The following NYAP2 variants were observed in gnomAD, a reference collection of about 807,000 sequenced individuals.
NYAP2 encodes neuronal tyrosine-phosphorylated phosphoinositide-3-kinase adapter 2.
NYAP2 carries 23 observed loss-of-function variants against 50.4 expected under a neutral mutation model. That is an observed-to-expected ratio of 0.46 (90% confidence interval 0.33 to 0.65). The LOEUF (loss-of-function observed/expected upper bound fraction) is 0.65, where lower values mean the gene tolerates loss of function less well. Among genes scored for constraint, NYAP2 ranks in the 30% least tolerant of loss-of-function variants. NYAP2 has a pLI of 0.02. For synonymous variants in NYAP2, 394 were observed against 365.2 expected, an observed-to-expected ratio of 1.08 and a Z score of -0.90; for missense variants, 885 against 861.0, an observed-to-expected ratio of 1.03 and a Z score of -0.35.
At chr2:225,633,386 A>C (rs1289360585) in intron 6 of NYAP2, among the ~76,000 whole-genome samples, 1 of 152,204 alleles carries the variant, frequency 6.6e-6, no homozygotes, top group Non-Finnish European at 1.5e-5. Context: ...CTGTTCTGAA[A>C]AGGTCTAAGA....
At chr2:225,586,545 C>T (rs1446098774) in intron 5 of NYAP2, among the ~76,000 whole-genome samples, 1 of 152,106 alleles carries the variant, frequency 6.6e-6, no homozygotes, top group Non-Finnish European at 1.5e-5. Context: ...TATGCTATTG[C>T]TAAAAATTTT....
chr2:225,674,035 GT>G, the NYAP2 span, among the ~76,000 whole-genome samples: 1 of 152,130 alleles, frequency 6.6e-6, no homozygotes, highest in Non-Finnish European at 1.5e-5. Context: ...AGGAAGTCAG[GT>G]GAAGCCACAA....
At chr2:225,588,208 G>T (rs750734105) in intron 5 of NYAP2, among the ~76,000 whole-genome samples, 3 of 152,076 alleles carry the variant, frequency 2.0e-5, no homozygotes, top group Non-Finnish European at 4.4e-5. Context: ...TTATAGGTGT[G>T]AGCCACTGCA....
At chr2:225,685,225 A>T in the NYAP2 span, among the ~76,000 whole-genome samples, 1 of 152,128 alleles carries the variant, frequency 6.6e-6, no homozygotes, top group Non-Finnish European at 1.5e-5. Context: ...GATAAACCAC[A>T]TGTTTACTGA....
downstream of NYAP2, among the ~76,000 whole-genome samples, chr2:225,655,937 T>TACAC (rs1307721608): frequency 4.9e-5 from 4 of 81,388 alleles, no homozygotes; most frequent in African/African-American, 1.8e-4. Flanking sequence ...CATACACACA[T>TACAC]ACACACACAC....
chr2:225,422,757 C>T (rs761766899), intron 3 of NYAP2, among the ~76,000 whole-genome samples: 42 of 152,022 alleles, frequency 2.8e-4, no homozygotes, highest in Non-Finnish European at 5.0e-4. Flanking sequence ...CTCTCAGGCA[C>T]GAGACAAGGA....
At chr2:225,611,826 T>G (rs1396613697) in intron 5 of NYAP2, among the ~76,000 whole-genome samples, 2 of 151,032 alleles carry the variant, frequency 1.3e-5, no homozygotes, top group African/African-American at 4.9e-5. Context: ...GCATATACAT[T>G]TTACCATTGG....
exon 1 of NYAP2, chr2:225,399,730 G>A (rs1694825673): frequency 6.6e-6 from 1 of 151,990 alleles, no homozygotes; most frequent in Admixed American, 6.6e-5. Context: ...TGCATGGCTC[G>A]GCTGTGCAGG....
At chr2:225,620,931 T>C (rs145116513) in intron 5 of NYAP2, among the ~76,000 whole-genome samples, 8,042 of 152,016 alleles carry the variant, frequency 0.053, 331 homozygotes, top group African/African-American at 0.12. Context: ...CTGGCTAACA[T>C]GGTGAAACCC....
intron 6 of NYAP2, among the ~76,000 whole-genome samples, chr2:225,643,579 T>C (rs1316800530): frequency 4.6e-5 from 7 of 151,266 alleles, no homozygotes; most frequent in African/African-American, 1.7e-4. Context: ...TATCTCCCAA[T>C]GCTATCCCTC....
chr2:225,648,606 G>C (rs375597844), intron 6 of NYAP2, among the ~76,000 whole-genome samples: 2 of 152,130 alleles, frequency 1.3e-5, no homozygotes, highest in African/African-American at 4.8e-5. Flanking sequence ...ATAGAGAGAG[G>C]AAAAGAAAGC....
chr2:225,700,097 T>G, the NYAP2 span: 6 of 151,706 alleles, frequency 4.0e-5, no homozygotes, highest in Non-Finnish European at 7.4e-5. Context: ...ATAACAGGAG[T>G]TAGAGAATCT....
chr2:225,571,825 C>G (rs568369034), intron 4 of NYAP2, among the ~76,000 whole-genome samples: 22 of 152,356 alleles, frequency 1.4e-4, no homozygotes, highest in Admixed American at 9.8e-4. Flanking sequence ...TTGAATTTCT[C>G]CATAGAAAAT....
At chr2:225,506,701 A>T (rs1305980107) in intron 3 of NYAP2, among the ~76,000 whole-genome samples, 1 of 152,204 alleles carries the variant, frequency 6.6e-6, no homozygotes, top group Non-Finnish European at 1.5e-5. Flanking sequence ...TTAATGAAGA[A>T]AGTGTAAATA....
chr2:225,422,942 A>G (rs1294303800), intron 3 of NYAP2, among the ~76,000 whole-genome samples: 1 of 152,144 alleles, frequency 6.6e-6, no homozygotes, highest in Admixed American at 6.6e-5. Flanking sequence ...AGATGTTATT[A>G]AAAGACACTA....
downstream of NYAP2, among the ~76,000 whole-genome samples, chr2:225,654,345 G>A (rs1193433114): frequency 1.3e-5 from 2 of 152,032 alleles, no homozygotes; most frequent in African/African-American, 4.8e-5. Context: ...GAGATTAATA[G>A]ACTTCTTACT....
At chr2:225,586,338 TA>T (rs1377395184) in intron 5 of NYAP2, among the ~76,000 whole-genome samples, 1 of 152,196 alleles carries the variant, frequency 6.6e-6, no homozygotes, top group African/African-American at 2.4e-5. Context: ...ATTTTGAAAA[TA>T]TGGCCTTCAC....
chr2:225,477,254 T>TTTTTTTTA (rs1690129733), intron 3 of NYAP2, among the ~76,000 whole-genome samples: 1 of 148,356 alleles, frequency 6.7e-6, no homozygotes, highest in African/African-American at 2.5e-5. Context: ...TTTTTTTTTT[T>TTTTTTTTA]GAGACGGAGT....
rs1291720617 is a variant in NYAP2, at chr2:225,582,573, C to G, written c.1156C>G (p.His386Asp). The change falls in exon 5 of 7, where the codon CAC becomes GAC. Residue 386 changes from histidine to aspartate, a missense_variant. Physicochemically the swap from His to Asp is moderately conservative, Grantham distance 81 (BLOSUM62 -1). Coordinates refer to ENST00000636099, the Ensembl canonical transcript of NYAP2. The surrounding 1 kb of genome is among the most constrained non-coding windows in gnomAD (Gnocchi z 7.0). ...GGCGTCGCCCTCCACGCTGCCGTCC[C>G]ACGTCCCCGGCCATGCGAAACTGGA... The G allele has an allele frequency of 6.3e-7, 1 of 1,594,520 alleles. No individual in the cohort carries two copies. The highest frequency in any genetic ancestry group is 2.3e-5 in the East Asian group (1 of 43,980).
Sources: gnomAD v4.1 joint callset for allele counts (sites outside exome capture counted in the v4.1 genomes callset) on GRCh38, gnomAD v4.1.1 for gene constraint, Gnocchi (gnomAD v3.1) non-coding constraint, MANE v1.5 for transcripts, NCBI Gene and HGNC (gene_info 2026-07-23, HGNC 2026-07-21) for gene names.